CDK3: variants seen among roughly 807,000 people sequenced by gnomAD.
CDK3 encodes the protein cyclin dependent kinase 3.
A neutral mutation model predicts 30.2 loss-of-function variants in CDK3; 24 were observed. That is an observed-to-expected ratio of 0.79 (90% CI 0.57 to 1.12). The LOEUF (loss-of-function observed/expected upper bound fraction) is 1.12. Ranked by LOEUF, CDK3 falls within the 50% of genes most tolerant of loss-of-function variation. CDK3 has a pLI of 0.00. For synonymous variants in CDK3, 158 were observed against 154.2 expected, an observed-to-expected ratio of 1.02 and a Z score of -0.18; for missense variants, 345 against 376.0, an observed-to-expected ratio of 0.92 and a Z score of 0.68.
intron 7 of CDK3, among the ~76,000 whole-genome samples, chr17:76,004,220 T>TTTTTTTTTG (rs2066289464): frequency 4.6e-5 from 1 of 21,818 alleles, no homozygotes; most frequent in African/African-American, 3.3e-4. Flanking sequence ...GAACCGTCTG[T>TTTTTTTTTG]TTTTTTTTTT....
Position 76,001,811 on chromosome 17 carries a change from CT to C in CDK3, c.117-62del. ...TGGGGTTAAGGAGAAGCCGATCCCC[CT>C]GGCTGGAAGTGCCCTTCTTGGCCCA... On this transcript the variant is annotated intron_variant, in intron 2 of 7. Transcript: ENST00000448471. This position sits in a 1 kb window ranked among gnomAD's most constrained non-coding sequence, Gnocchi z 6.2. 6.7e-7 allele frequency: 1 copy of C among 1,498,686 alleles called. No individual in the cohort carries two copies. Among genetic ancestry groups the C allele is most frequent in the Non-Finnish European group, 9.1e-7 (1 of 1,092,996 alleles). 92.8% of individuals were successfully genotyped at this position (1,498,686 alleles called of 1,614,324 possible). A position where few individuals can be genotyped will look rare whatever the true frequency, so the allele number is the denominator to read the frequency against.
intron 6 of CDK3, 115 bp from the exon 7 acceptor site, chr17:76,003,080 C>A: frequency 1.2e-6 from 1 of 825,694 alleles, no homozygotes; most frequent in Non-Finnish European, 2.0e-6. Context: ...ATTCTTTGCA[C>A]AGTCATGGAA....
chr17:76,004,718 A>C (rs1317321517), intron 7 of CDK3: 1 of 152,680 alleles, frequency 6.5e-6, no homozygotes, highest in African/African-American at 2.4e-5. Context: ...GTGTTGAATG[A>C]GAGGAAGGTG....
chr17:76,001,265 G>A lies in CDK3; in HGVS notation c.-14-147G>A, dbSNP rs1049696228. 6.7e-7 allele frequency: 1 copy of A among 1,499,386 alleles called. No individual in the cohort carries two copies. Among genetic ancestry groups the A allele is most frequent in the African/African-American group, 1.4e-5 (1 of 71,836 alleles). 92.9% of individuals were successfully genotyped at this position (1,499,386 alleles called of 1,614,324 possible). Reference sequence around the variant, plus strand: ...CCAGCCAGGTTCCCAGGCAGGATGAGCTGGGGTTGGGGTGGCTAGGCCGTG... The same window carrying A: ...CCAGCCAGGTTCCCAGGCAGGATGAACTGGGGTTGGGGTGGCTAGGCCGTG... On this transcript the variant is annotated intron_variant, in intron 1 of 7. Transcript: ENST00000448471. This position sits in a 1 kb window ranked among gnomAD's most constrained non-coding sequence, Gnocchi z 6.2.
At chr17:76,004,151 A>T (rs1327882044) in intron 7 of CDK3, among the ~76,000 whole-genome samples, 1 of 127,096 alleles carries the variant, frequency 7.9e-6, no homozygotes, top group Non-Finnish European at 1.6e-5. Context: ...GTTCTCACTC[A>T]CCCCTCCTGT....
In CDK3 at chr17:76,003,320, C is replaced by T; in HGVS notation, c.714C>T (p.Gly238=). Reference sequence around the variant, plus strand: ...TCACCCAGCTGCCTGACTATAAGGGCAGCTTCCCTAAGTGGACCAGGAAGG... The same window carrying T: ...TCACCCAGCTGCCTGACTATAAGGGTAGCTTCCCTAAGTGGACCAGGAAGG... ...PGVTQLPDYK[G]SFPKWTRKGL... The change falls in exon 7 of 8, where the codon GGC becomes GGT. Residue 238 remains glycine, a synonymous_variant. Coordinates refer to ENST00000448471, the MANE Select transcript of CDK3 (RefSeq NM_001258.4). 1 of 1,614,198 alleles carries T rather than the reference C, an allele frequency of 6.2e-7. No homozygotes were observed. Among genetic ancestry groups the T allele is most frequent in the Non-Finnish European group, 8.5e-7 (1 of 1,180,022 alleles).
Position 76,003,242 on chromosome 17 carries a change from C to A in CDK3, c.636C>A (p.Leu212=). ...LFPGDSEIDQ[L]FRIFRMLGTP... The stretch of plus-strand genomic sequence containing the variant: ...CTGGTGACTCTGAGATTGACCAGCT[C>A]TTTCGTATCTTTCGTATGCTGGGGA... Residue 212 remains leucine (L), a synonymous_variant, in exon 7 of 8, where the codon CTC becomes CTA. Coordinates refer to ENST00000448471, the MANE Select transcript of CDK3 (RefSeq NM_001258.4). 6.2e-7 allele frequency: 1 copy of A among 1,614,186 alleles called. No homozygotes were observed. Among genetic ancestry groups the A allele is most frequent in the Non-Finnish European group, 8.5e-7 (1 of 1,180,040 alleles).
Position 76,001,719 on chromosome 17 carries a change from C to A in CDK3, c.117-155C>A. 2 of 914,914 alleles carry A rather than the reference C, an allele frequency of 2.2e-6. No individual in the cohort carries two copies. Among genetic ancestry groups the A allele is most frequent in the Non-Finnish European group, 3.3e-6 (2 of 609,162 alleles). The allele number at this position is 914,914 out of a possible 1,614,324, so 56.7% of individuals were successfully genotyped here. A position where few individuals can be genotyped will look rare whatever the true frequency, so the allele number is the denominator to read the frequency against. On this transcript the variant is annotated intron_variant, in intron 2 of 7. Transcript: ENST00000448471. This position sits in a 1 kb window ranked among gnomAD's most constrained non-coding sequence, Gnocchi z 6.2. Reference sequence around the variant, plus strand: ...TGACCAGCCTTTGCCGGGGCCCTGACTGTGGAGTTTGGTGGATGACGTGCC... The same window carrying A: ...TGACCAGCCTTTGCCGGGGCCCTGAATGTGGAGTTTGGTGGATGACGTGCC...
chr17:76,001,944 A>G lies in CDK3; in HGVS notation c.187A>G (p.Ile63Val), dbSNP rs1438093806. ...SLLKELKHPNIVRLLDVVHNE... is the reference protein window; with the variant it reads ...SLLKELKHPNVVRLLDVVHNE... ...GCTCAAGGAACTGAAGCACCCCAAC[A>G]TCGTCCGGTGAGTTGGGGATTGAGG... The change falls in exon 3 of 8, where the codon ATC becomes GTC. Residue 63 changes from isoleucine to valine, a missense_variant. Ile to Val is a conservative substitution (Grantham distance 29). Coordinates refer to ENST00000448471, the MANE Select transcript of CDK3 (RefSeq NM_001258.4). This position sits in a 1 kb window ranked among gnomAD's most constrained non-coding sequence, Gnocchi z 6.2. The G allele has an allele frequency of 6.2e-7, 1 of 1,613,724 alleles. No homozygotes were observed. Among genetic ancestry groups the G allele is most frequent in the Non-Finnish European group, 8.5e-7 (1 of 1,179,856 alleles).
intron 7 of CDK3, among the ~76,000 whole-genome samples, chr17:76,004,350 C>G (rs765018807): frequency 1.2e-4 from 18 of 151,648 alleles, no homozygotes; most frequent in Non-Finnish European, 2.5e-4. Context: ...TCCTGAGTAG[C>G]TGGGACCACA....
intron 7 of CDK3, 86 bp downstream of exon 7, chr17:76,003,484 G>C: frequency 9.0e-7 from 1 of 1,110,584 alleles, no homozygotes; most frequent in South Asian, 1.4e-5. Context: ...CACTTTCTGA[G>C]TCCAAGGCCA....
At position 76,001,103 on chromosome 17, in the gene CDK3, G is replaced by T; in HGVS notation, c.-15+136G>T. 1 of 1,207,374 alleles carries T rather than the reference G, an allele frequency of 8.3e-7. No individual in the cohort carries two copies. The highest frequency in any genetic ancestry group is 1.0e-6 in the Non-Finnish European group (1 of 958,358). 74.8% of individuals were successfully genotyped at this position (1,207,374 alleles called of 1,614,324 possible). A position where few individuals can be genotyped will look rare whatever the true frequency, so the allele number is the denominator to read the frequency against. ...CTGGGATGGGCAGGGGGCTGGGTGG[G>T]AGAGTGTGGGCCCTGCCCTCCGAGG... is the stretch of plus-strand genomic sequence containing the variant. On this transcript the variant is annotated intron_variant, in intron 1 of 7. Transcript: ENST00000448471. This position sits in a 1 kb window ranked among gnomAD's most constrained non-coding sequence, Gnocchi z 6.2.
Position 76,001,277 on chromosome 17 carries a change from GT to G in CDK3, c.-14-134del. ...CCAGGCAGGATGAGCTGGGGTTGGG[GT>G]GGCTAGGCCGTGGGCCTTGGGAGCT... On this transcript the variant is annotated intron_variant, in intron 1 of 7. Coordinates refer to ENST00000448471, the MANE Select transcript of CDK3 (RefSeq NM_001258.4). This position sits in a 1 kb window ranked among gnomAD's most constrained non-coding sequence, Gnocchi z 6.2. 1 of 1,510,046 alleles carries G rather than the reference GT, an allele frequency of 6.6e-7. No individual in the cohort carries two copies. The highest frequency in any genetic ancestry group is 8.8e-7 in the Non-Finnish European group (1 of 1,131,148). 93.5% of individuals were successfully genotyped at this position (1,510,046 alleles called of 1,614,324 possible).
rs1326407881 is a variant in CDK3, at chr17:76,002,294, A to G, written c.362A>G (p.His121Arg). ...LLQGVSFCHS[H>R]RVIHRDLKPQ... ...CAGGGGGTGAGTTTCTGCCACTCAC[A>G]TCGGGTCATCCACCGAGACCTGAAG... Residue 121 changes from histidine (H) to arginine (R), a missense_variant, in exon 5 of 8, where the codon CAT becomes CGT. His to Arg is a conservative substitution (Grantham distance 29, BLOSUM62 0). Transcript: ENST00000448471. This position sits in a 1 kb window ranked among gnomAD's most constrained non-coding sequence, Gnocchi z 4.3. The G allele has an allele frequency of 1.9e-6, 3 of 1,610,662 alleles. No homozygotes were observed. Among genetic ancestry groups the G allele is most frequent in the South Asian group, 1.1e-5 (1 of 90,976 alleles).
In CDK3 at chr17:76,005,543, C is replaced by A; in HGVS notation, c.*120C>A. 1 of 1,241,684 alleles carries A rather than the reference C, an allele frequency of 8.1e-7. No individual in the cohort carries two copies. Among genetic ancestry groups the A allele is most frequent in the Non-Finnish European group, 1.1e-6 (1 of 895,062 alleles). The allele number at this position is 1,241,684 out of a possible 1,614,324, so 76.9% of individuals were successfully genotyped here. On this transcript the variant is annotated 3_prime_UTR_variant, in exon 8 of 8. Coordinates refer to ENST00000448471, the MANE Select transcript of CDK3 (RefSeq NM_001258.4). The surrounding 1 kb of genome is among the most constrained non-coding windows in gnomAD (Gnocchi z 4.7). ...AAGCACTAAGGAATTCAGCATCAGC[C>A]TGCAGAGGGCTGAGTCTGGGTTAGT... is the stretch of plus-strand genomic sequence containing the variant.
At chr17:76,003,850 C>T (rs17881404) in intron 7 of CDK3, among the ~76,000 whole-genome samples, 2 of 152,172 alleles carry the variant, frequency 1.3e-5, no homozygotes, top group Admixed American at 6.5e-5. Flanking sequence ...TCAAGTCATT[C>T]TCCTGCCTCA....
In CDK3 at chr17:76,001,607, C is replaced by T. The variant is rs994685736; in HGVS notation, c.116+66C>T. On this transcript the variant is annotated intron_variant, in intron 2 of 7. Transcript: ENST00000448471. The surrounding 1 kb of genome is among the most constrained non-coding windows in gnomAD (Gnocchi z 6.2). The stretch of plus-strand genomic sequence containing the variant: ...ATCACAACCTGGGCGCTCCCTGATC[C>T]GTTCCCTCTTTCCTGGAGTCCACGT... 9.6e-6 allele frequency: 13 copies of T among 1,357,940 alleles called. No individual in the cohort carries two copies. The highest frequency in any genetic ancestry group is 3.7e-5 in the South Asian group (3 of 80,296). 84.1% of individuals were successfully genotyped at this position (1,357,940 alleles called of 1,614,324 possible).
At chr17:76,003,097 T>C (rs1402833555) in intron 6 of CDK3, 98 bp from the exon 7 acceptor site, 10 of 942,320 alleles carry the variant, frequency 1.1e-5, no homozygotes, top group African/African-American at 8.2e-5. Context: ...GGAAAAGATA[T>C]CTTGACAGGC....
In CDK3 at chr17:76,002,443, G is replaced by A. The variant is rs573764568; in HGVS notation, c.486+25G>A. 61 of 1,612,024 alleles carry A rather than the reference G, an allele frequency of 3.8e-5. No individual in the cohort carries two copies. Among genetic ancestry groups the A allele is most frequent in the South Asian group, 2.0e-4 (18 of 91,012 alleles). On this transcript the variant is annotated intron_variant, in intron 5 of 7. Coordinates refer to ENST00000448471, the MANE Select transcript of CDK3 (RefSeq NM_001258.4). This position sits in a 1 kb window ranked among gnomAD's most constrained non-coding sequence, Gnocchi z 4.3. ...GGTATTGTGAGACAAAGAGGAGAGAGGGGCAGCAGGAGGAGTGTCACCCAT... is the reference window on the plus strand; with the variant it reads ...GGTATTGTGAGACAAAGAGGAGAGAAGGGCAGCAGGAGGAGTGTCACCCAT...
Sources: gnomAD v4.1 joint callset for allele counts (sites outside exome capture counted in the v4.1 genomes callset) on GRCh38, gnomAD v4.1.1 for gene constraint, Gnocchi (gnomAD v3.1) non-coding constraint, MANE v1.5 for transcripts, NCBI Gene and HGNC (gene_info 2026-07-23, HGNC 2026-07-21) for gene names.